NIPSNAP2: variants seen among roughly 807,000 people sequenced by gnomAD.
The protein encoded by NIPSNAP2 is nipsnap homolog 2.
In NIPSNAP2, 42 loss-of-function variants were observed where a neutral mutation model predicts 48.4. That is an observed-to-expected ratio of 0.87 (90% CI 0.68 to 1.12). The LOEUF is 1.12. NIPSNAP2 is among the 50% of genes most tolerant of loss of function. The pLI, the probability that NIPSNAP2 is intolerant of heterozygous loss-of-function variation, is 0.00. For synonymous variants in NIPSNAP2, 158 were observed against 126.6 expected (o/e 1.25, Z -1.67); for missense variants, 314 against 347.3 (o/e 0.90, Z 0.76).
rs182130534 is a variant in NIPSNAP2 at position 55,965,486 on chromosome 7, G to A, written c.92+785G>A. On this transcript the variant is annotated intron_variant, in intron 1 of 9. Coordinates refer to ENST00000322090, the MANE Select transcript of NIPSNAP2 (RefSeq NM_001483.3). ...TGCTTTCTCGTATTCATTGCTTTGGGTAGTTTAAATTACCTAAGGAACTGT... is the reference window on the plus strand; with the variant it reads ...TGCTTTCTCGTATTCATTGCTTTGGATAGTTTAAATTACCTAAGGAACTGT... Among the ~76,000 whole-genome samples, 905 of 152,254 alleles carry A rather than the reference G, an allele frequency of 5.9e-3. 2 individuals carry two copies. Among genetic ancestry groups the A allele is most frequent in the Non-Finnish European group, 8.7e-3 (589 of 68,032 alleles).
intron 1 of NIPSNAP2, 23 bp from the exon 2 acceptor site, chr7:55,978,103 A>G: frequency 4.3e-6 from 7 of 1,613,662 alleles, no homozygotes; most frequent in Non-Finnish European, 5.1e-6. Flanking sequence ...ATACTGCGTG[A>G]CAACACCTTT....
At chr7:55,972,245 G>A (rs1486697147) in intron 1 of NIPSNAP2, among the ~76,000 whole-genome samples, 1 of 151,474 alleles carries the variant, frequency 6.6e-6, no homozygotes, top group Admixed American at 6.6e-5. Flanking sequence ...GGCGGAGGTT[G>A]CAGTGAGCTG....
In NIPSNAP2 at chr7:55,989,723, A is replaced by G. The variant is rs192944138; in HGVS notation, c.617+4845A>G. ...GACAGGAAATGGAAAGAAAAACACT[A>G]GTGACATTTAGGGTTCTGTGATGGT... On this transcript the variant is annotated intron_variant, in intron 7 of 9. Transcript: ENST00000322090. 5.3e-5 allele frequency among the ~76,000 whole-genome samples: 8 copies of G among 152,312 alleles called. No individual in the cohort carries two copies. In the South Asian group the frequency reaches 1.0e-3, roughly 20 times the overall value.
intron 7 of NIPSNAP2, among the ~76,000 whole-genome samples, chr7:55,993,885 C>G (rs1035868087): frequency 4.0e-5 from 6 of 151,628 alleles, no homozygotes; most frequent in Non-Finnish European, 8.8e-5. Flanking sequence ...ATAATGAATG[C>G]CTTTGGTACT....
chr7:55,993,337 G>A (rs1787488173), intron 7 of NIPSNAP2, among the ~76,000 whole-genome samples: 1 of 151,620 alleles, frequency 6.6e-6, no homozygotes. Flanking sequence ...GCTCATGCCT[G>A]TAATCCCAGC....
At chr7:55,992,711 G>C (rs1038563505) in intron 7 of NIPSNAP2, among the ~76,000 whole-genome samples, 1 of 152,174 alleles carries the variant, frequency 6.6e-6, no homozygotes, top group Admixed American at 6.6e-5. Context: ...GAATGAATTA[G>C]AGTGAATCTG....
intron 7 of NIPSNAP2, among the ~76,000 whole-genome samples, chr7:55,989,425 G>A (rs576307479): frequency 6.6e-6 from 1 of 152,300 alleles, no homozygotes; most frequent in African/African-American, 2.4e-5. Context: ...AGGAGGTCAA[G>A]ACCAGCCTTG....
chr7:55,970,003 G>C (rs75203774), intron 1 of NIPSNAP2, among the ~76,000 whole-genome samples: 1 of 142,324 alleles, frequency 7.0e-6, no homozygotes, highest in Admixed American at 7.0e-5. Context: ...AAAAAAAAAA[G>C]ATCATATGAA....
intron 1 of NIPSNAP2, among the ~76,000 whole-genome samples, chr7:55,974,847 T>TA (rs11391060): frequency 0.53 from 58,935 of 111,992 alleles, 15,968 homozygotes; most frequent in Non-Finnish European, 0.63. Flanking sequence ...GACTCTGTCT[T>TA]AAAAAAAAAA....
chr7:55,995,163 A>C (rs886336853), intron 8 of NIPSNAP2, among the ~76,000 whole-genome samples, 175 bp downstream of exon 8: 2 of 152,148 alleles, frequency 1.3e-5, no homozygotes, highest in Non-Finnish European at 2.9e-5. Context: ...GTGAAAGTCC[A>C]TAGATTGATG....
intron 7 of NIPSNAP2, among the ~76,000 whole-genome samples, chr7:55,985,745 CAAA>C (rs11290048): frequency 1.3e-4 from 12 of 89,626 alleles, no homozygotes; most frequent in Admixed American, 1.3e-4. Context: ...GACCCTGTCT[CAAA>C]AAAAAAAAAA....
chr7:55,988,501 C>G (rs757448439), intron 7 of NIPSNAP2, among the ~76,000 whole-genome samples: 15 of 152,020 alleles, frequency 9.9e-5, no homozygotes, highest in Non-Finnish European at 1.6e-4. Context: ...GTGGACCCTT[C>G]CGATATTGCT....
At chr7:55,974,864 A>AG (rs34935374) in intron 1 of NIPSNAP2, among the ~76,000 whole-genome samples, 14,421 of 149,078 alleles carry the variant, frequency 0.097, 1,133 homozygotes, top group East Asian at 0.23. Flanking sequence ...AAAAAAAAAA[A>AG]AAAGAAATAC....
intron 1 of NIPSNAP2, among the ~76,000 whole-genome samples, 183 bp from the exon 2 acceptor site, chr7:55,977,943 C>T (rs1787134249): frequency 6.6e-6 from 1 of 152,180 alleles, no homozygotes; most frequent in African/African-American, 2.4e-5. Context: ...GAGTGCCACA[C>T]ATTTTACATT....
chr7:55,983,079 C>T (rs1475946259), intron 5 of NIPSNAP2, among the ~76,000 whole-genome samples: 1 of 151,868 alleles, frequency 6.6e-6, no homozygotes, highest in Admixed American at 6.6e-5. Context: ...GCCGAGACTA[C>T]ACCGCTGCAC....
chr7:55,972,317 A>AAG, intron 1 of NIPSNAP2, among the ~76,000 whole-genome samples: 1 of 152,010 alleles, frequency 6.6e-6, no homozygotes, highest in South Asian at 2.1e-4. Flanking sequence ...TCAAAAAAAA[A>AAG]AAAGAACATA....
chr7:55,992,658 G>C (rs1787476544), intron 7 of NIPSNAP2, among the ~76,000 whole-genome samples: 1 of 152,196 alleles, frequency 6.6e-6, no homozygotes, highest in Non-Finnish European at 1.5e-5. Context: ...CACTGTCATT[G>C]TTAGTAGGTT....
At chr7:55,998,957 C>G in intron 9 of NIPSNAP2, 51 bp from the exon 10 acceptor site, 1 of 1,421,656 alleles carries the variant, frequency 7.0e-7, no homozygotes, top group Non-Finnish European at 9.9e-7. Context: ...TGTCATTTAC[C>G]ATAATGTGTT....
At chr7:55,985,100 C>T (rs1787299463) in intron 7 of NIPSNAP2, among the ~76,000 whole-genome samples, 1 of 152,186 alleles carries the variant, frequency 6.6e-6, no homozygotes, top group Non-Finnish European at 1.5e-5. Flanking sequence ...ATAATTAACA[C>T]ATGGCCAATC....
Sources: allele counts gnomAD v4.1 joint callset (sites outside exome capture counted in the v4.1 genomes callset), GRCh38; gene constraint gnomAD v4.1.1; transcripts MANE v1.5; gene names NCBI Gene and HGNC (gene_info 2026-07-23, HGNC 2026-07-21).